The following FARP1 variants were observed in gnomAD, a reference collection of about 807,000 sequenced individuals.
The protein encoded by FARP1 is FERM, ARH/RhoGEF and pleckstrin domain protein 1, also known as FERM, ARHGEF and pleckstrin domain-containing protein 1.
A neutral mutation model predicts 128.8 loss-of-function variants in FARP1; 52 were observed. That is an observed-to-expected ratio of 0.40 (90% confidence interval 0.32 to 0.51). The LOEUF (loss-of-function observed/expected upper bound fraction) is 0.51. Ranked by LOEUF, FARP1 falls within the 20% of genes least tolerant of loss-of-function variation. FARP1 has a pLI of 0.45. For synonymous variants in FARP1, 580 were observed against 551.8 expected (o/e 1.05, Z -0.72); for missense variants, 1,333 against 1,367.9 (o/e 0.97, Z 0.40).
At chr13:98,151,816 C>A (rs1876030626) in intron 1 of FARP1, among the ~76,000 whole-genome samples, 1 of 151,888 alleles carries the variant, frequency 6.6e-6, no homozygotes, top group African/African-American at 2.4e-5. Context: ...TGCACGCCAC[C>A]ACGCCCGGCT....
chr13:98,167,246 C>T (rs998010663), intron 1 of FARP1, among the ~76,000 whole-genome samples: 2 of 151,984 alleles, frequency 1.3e-5, no homozygotes, highest in African/African-American at 2.4e-5. Context: ...GATTTATAGG[C>T]GTTCCTTTGT....
chr13:98,437,641 G>A (rs1261501488), intron 19 of FARP1: 2 of 611,560 alleles, frequency 3.3e-6, no homozygotes, highest in Non-Finnish European at 2.9e-6. Context: ...CAAGGCTCTG[G>A]TGATAGCTGG....
chr13:98,280,686 G>T (rs1884892665), intron 2 of FARP1, among the ~76,000 whole-genome samples: 2 of 152,246 alleles, frequency 1.3e-5, no homozygotes, highest in East Asian at 3.9e-4. Flanking sequence ...ACAAATTAAT[G>T]AATTTTTCCA....
chr13:98,319,281 A>T (rs2139781013), intron 2 of FARP1, among the ~76,000 whole-genome samples: 1 of 151,866 alleles, frequency 6.6e-6, no homozygotes, highest in Non-Finnish European at 1.5e-5. Flanking sequence ...TTGTTTTTAA[A>T]TAGTAAAATA....
intron 2 of FARP1, among the ~76,000 whole-genome samples, chr13:98,288,042 C>T (rs533468282): frequency 3.3e-5 from 5 of 152,066 alleles, no homozygotes; most frequent in African/African-American, 4.8e-5. Flanking sequence ...CCTCGTGATC[C>T]GCCCACGTCG....
intron 2 of FARP1, among the ~76,000 whole-genome samples, chr13:98,311,598 C>A (rs368595916): frequency 1.3e-5 from 2 of 151,948 alleles, no homozygotes; most frequent in African/African-American, 4.8e-5. Context: ...CACGTGCACA[C>A]GTTGGGAAAG....
intron 2 of FARP1, among the ~76,000 whole-genome samples, chr13:98,213,769 C>G (rs1880884004): frequency 6.6e-6 from 1 of 152,078 alleles, no homozygotes; most frequent in Non-Finnish European, 1.5e-5. Flanking sequence ...GTTTAATTTA[C>G]TGGTCATAGA....
chr13:98,177,285 C>T (rs1303829376), intron 1 of FARP1: 3 of 1,461,092 alleles, frequency 2.1e-6, no homozygotes, highest in East Asian at 2.3e-5. Context: ...ACCCTTGCGT[C>T]GCCCTTGCGT....
Position 98,176,070 on chromosome 13 carries a change from T to A in FARP1, c.-24+32578T>A. On this transcript the variant is annotated intron_variant, in intron 1 of 26. Coordinates refer to ENST00000319562, the MANE Select transcript of FARP1 (RefSeq NM_005766.4). The surrounding 1 kb of genome is among the most constrained non-coding windows in gnomAD (Gnocchi z 6.2). ...CCGGATTTCAATTCTTTTGGTTACA[T>A]ACTCAGGCATGGGATTGCAGGAAGA... The A allele has an allele frequency of 9.1e-7, 1 of 1,099,964 alleles. No individual in the cohort carries two copies. Among genetic ancestry groups the A allele is most frequent in the South Asian group, 1.3e-5 (1 of 74,634 alleles). The allele number at this position is 1,099,964 out of a possible 1,614,324, so 68.1% of individuals were successfully genotyped here. A position where few individuals can be genotyped will look rare whatever the true frequency, so the allele number is the denominator to read the frequency against.
At chr13:98,169,808 G>T (rs1877524269) in intron 1 of FARP1, among the ~76,000 whole-genome samples, 2 of 131,096 alleles carry the variant, frequency 1.5e-5, no homozygotes, top group African/African-American at 2.9e-5. Flanking sequence ...TTAAAATTAT[G>T]CTGGGTATTT....
chr13:98,190,623 C>T (rs1384574407), intron 1 of FARP1, among the ~76,000 whole-genome samples: 1 of 152,116 alleles, frequency 6.6e-6, no homozygotes, highest in Non-Finnish European at 1.5e-5. Flanking sequence ...AGTGCAGTGG[C>T]ACAATCATAG....
chr13:98,348,801 A>G (rs370679785), intron 3 of FARP1, among the ~76,000 whole-genome samples: 1 of 152,226 alleles, frequency 6.6e-6, no homozygotes, highest in East Asian at 1.9e-4. Context: ...GACCTGTGCC[A>G]GAACAGGGAG....
At chr13:98,287,346 C>T (rs1215390647) in intron 2 of FARP1, among the ~76,000 whole-genome samples, 4 of 150,630 alleles carry the variant, frequency 2.7e-5, no homozygotes, top group Non-Finnish European at 5.9e-5. Context: ...TCTCCTGCCT[C>T]AGCCTCCCGA....
chr13:98,331,196 C>T (rs1887494299), intron 2 of FARP1, among the ~76,000 whole-genome samples: 1 of 152,118 alleles, frequency 6.6e-6, no homozygotes, highest in African/African-American at 2.4e-5. Context: ...ATCTTTTAGT[C>T]CTTCTAGACT....
chr13:98,293,990 C>T (rs1885555801), intron 2 of FARP1, among the ~76,000 whole-genome samples: 1 of 152,208 alleles, frequency 6.6e-6, no homozygotes, highest in Admixed American at 6.5e-5. Context: ...GGGCTTTACT[C>T]TTTACCAAGT....
chr13:98,307,460 C>T (rs1594381874), intron 2 of FARP1, among the ~76,000 whole-genome samples: 2 of 152,100 alleles, frequency 1.3e-5, no homozygotes, highest in East Asian at 1.9e-4. Flanking sequence ...ATCTCTGTCT[C>T]GTGGGCTGTG....
chr13:98,147,757 A>G (rs1220880174), intron 1 of FARP1, among the ~76,000 whole-genome samples: 1 of 152,020 alleles, frequency 6.6e-6, no homozygotes, highest in African/African-American at 2.4e-5. Context: ...CTTGGGCTCA[A>G]GCAATCCTTT....
In FARP1 at chr13:98,339,683, T is replaced by C. The variant is rs370434079; in HGVS notation, c.172-4079T>C. 1.1e-3 allele frequency among the ~76,000 whole-genome samples: 171 copies of C among 152,322 alleles called. 7 individuals carry two copies. The South Asian group carries it at 0.034, about 30-fold the overall frequency. ...AATTTTAGAAGCTATAAATATACTA[T>C]TGAAACTATAAGTTGACATCACCCT... is the stretch of plus-strand genomic sequence containing the variant. On this transcript the variant is annotated intron_variant, in intron 2 of 26. Coordinates refer to ENST00000319562, the MANE Select transcript of FARP1 (RefSeq NM_005766.4).
At chr13:98,369,906 T>C (rs58781435) in intron 5 of FARP1, among the ~76,000 whole-genome samples, 490 of 152,336 alleles carry the variant, frequency 3.2e-3, no homozygotes, top group African/African-American at 0.011. Flanking sequence ...TTGATCATCA[T>C]TTATCAAAGG....
Sources: allele counts gnomAD v4.1 joint callset (sites outside exome capture counted in the v4.1 genomes callset), GRCh38; gene constraint gnomAD v4.1.1; non-coding constraint Gnocchi (gnomAD v3.1); transcripts MANE v1.5; gene names NCBI Gene and HGNC (gene_info 2026-07-23, HGNC 2026-07-21).